CNTN6: variants seen among roughly 807,000 people sequenced by gnomAD.
CNTN6 encodes contactin-6.
A neutral mutation model predicts 122.8 loss-of-function variants in CNTN6; 137 were observed. That is an observed-to-expected ratio of 1.12 (90% CI 0.97 to 1.29). CNTN6 has a LOEUF of 1.29. Among genes scored for constraint, CNTN6 ranks in the 50% most tolerant of loss-of-function variants. The probability of loss-of-function intolerance (pLI) is 0.00; values close to 1 mark genes in which losing one functional copy is unlikely to be tolerated. For synonymous variants in CNTN6, 570 were observed against 426.0 expected (o/e 1.34, Z -4.16); for missense variants, 1,634 against 1,223.4 (o/e 1.34, Z -5.01).
At chr3:1,399,628 G>A (rs1254266036) in intron 20 of CNTN6, among the ~76,000 whole-genome samples, 2 of 152,032 alleles carry the variant, frequency 1.3e-5, no homozygotes, top group East Asian at 3.9e-4. Context: ...GCTGTATTGT[G>A]TCACCTATGG....
At chr3:1,380,220 T>C (rs1212044468) in intron 17 of CNTN6, among the ~76,000 whole-genome samples, 1 of 152,160 alleles carries the variant, frequency 6.6e-6, no homozygotes, top group Non-Finnish European at 1.5e-5. Context: ...CAATCTGCCA[T>C]TACGTTTCAT....
chr3:1,219,095 C>T (rs1224905602), intron 2 of CNTN6, among the ~76,000 whole-genome samples: 1 of 152,152 alleles, frequency 6.6e-6, no homozygotes, highest in Non-Finnish European at 1.5e-5. Flanking sequence ...ACAGATCATC[C>T]TCATAGAAAT....
intron 2 of CNTN6, among the ~76,000 whole-genome samples, chr3:1,186,094 T>C (rs2093624672): frequency 6.6e-6 from 1 of 152,144 alleles, no homozygotes; most frequent in Non-Finnish European, 1.5e-5. Flanking sequence ...TATATTCACA[T>C]ATAAGTAGCA....
intron 20 of CNTN6, among the ~76,000 whole-genome samples, chr3:1,398,145 A>T (rs987578746): frequency 2.0e-5 from 3 of 152,160 alleles, no homozygotes; most frequent in African/African-American, 7.2e-5. Context: ...GTTTTGTGCT[A>T]TCCATGTGGC....
chr3:1,325,789 C>A (rs1028724635), intron 8 of CNTN6, 26 bp from the exon 9 acceptor site: 3 of 1,606,162 alleles, frequency 1.9e-6, no homozygotes, highest in Admixed American at 1.7e-5. Flanking sequence ...TTTTACCAAA[C>A]AGTGGCACTT....
intron 20 of CNTN6, among the ~76,000 whole-genome samples, chr3:1,389,007 G>C (rs1693654489): frequency 6.9e-6 from 1 of 145,560 alleles, no homozygotes; most frequent in Non-Finnish European, 1.5e-5. Flanking sequence ...TTATCCAGGA[G>C]AACTTCCCCA....
intron 12 of CNTN6, among the ~76,000 whole-genome samples, chr3:1,355,517 A>C (rs552935415): frequency 2.6e-5 from 4 of 151,908 alleles, no homozygotes; most frequent in African/African-American, 9.6e-5. Flanking sequence ...AATAGTGTAC[A>C]TCAATTCAAC....
At chr3:1,120,661 A>T (rs1485457155) in intron 1 of CNTN6, among the ~76,000 whole-genome samples, 1 of 151,848 alleles carries the variant, frequency 6.6e-6, no homozygotes, top group Non-Finnish European at 1.5e-5. Context: ...CTATATTTTT[A>T]TGGTTGGTCA....
intron 2 of CNTN6, among the ~76,000 whole-genome samples, chr3:1,174,215 AT>A (rs2093409726): frequency 6.6e-6 from 1 of 152,022 alleles, no homozygotes; most frequent in Non-Finnish European, 1.5e-5. Context: ...CAGAGGCTTT[AT>A]TTTTTCCCCT....
chr3:1,403,518 G>T lies in CNTN6; in HGVS notation c.*100G>T. On this transcript the variant is annotated 3_prime_UTR_variant, in exon 23 of 23. Coordinates refer to ENST00000446702, the MANE Select transcript of CNTN6 (RefSeq NM_001289080.2). ...CAAGATGCGTTCTTAATACAGACTT[G>T]TTTGCAAAGAAAAAAAAAAGTATAT... The T allele has an allele frequency of 1.8e-6, 1 of 557,380 alleles. No homozygotes were observed. The highest frequency in any genetic ancestry group is 3.3e-5 in the South Asian group (1 of 30,462). The allele number at this position is 557,380 out of a possible 1,614,324, so 34.5% of individuals were successfully genotyped here.
chr3:1,349,406 T>A (rs936275173), intron 11 of CNTN6, among the ~76,000 whole-genome samples: 3 of 151,886 alleles, frequency 2.0e-5, no homozygotes, highest in South Asian at 2.1e-4. Flanking sequence ...TGTTTTTTTT[T>A]AAATGCCAGA....
chr3:1,111,490 C>A (rs1461684254), intron 1 of CNTN6, among the ~76,000 whole-genome samples: 1 of 152,124 alleles, frequency 6.6e-6, no homozygotes, highest in Admixed American at 6.6e-5. Context: ...ATTGTAGAGT[C>A]AGAATTCAAA....
At chr3:1,310,923 C>G (rs1027505799) in intron 7 of CNTN6, among the ~76,000 whole-genome samples, 40 of 152,048 alleles carry the variant, frequency 2.6e-4, no homozygotes, top group African/African-American at 9.4e-4. Flanking sequence ...ATCGCTTGAA[C>G]CCGGGAGGCA....
At chr3:1,100,576 A>G (rs1198297891) in intron 1 of CNTN6, among the ~76,000 whole-genome samples, 2 of 152,174 alleles carry the variant, frequency 1.3e-5, no homozygotes, top group South Asian at 4.1e-4. Flanking sequence ...TATATATTTC[A>G]ATCTTGCGTC....
intron 4 of CNTN6, among the ~76,000 whole-genome samples, chr3:1,230,134 T>A (rs1392004553): frequency 6.6e-6 from 1 of 152,204 alleles, no homozygotes; most frequent in Non-Finnish European, 1.5e-5. Flanking sequence ...ACCTCCTTCA[T>A]AAATTTTTAA....
chr3:1,156,485 C>T (rs1427849443), intron 2 of CNTN6, among the ~76,000 whole-genome samples: 3 of 152,152 alleles, frequency 2.0e-5, no homozygotes, highest in East Asian at 1.9e-4. Flanking sequence ...ATATTTGACT[C>T]GTTATACCTC....
At chr3:1,297,856 A>G (rs376925400) in intron 6 of CNTN6, 33 bp from the exon 7 acceptor site, 180 of 1,533,010 alleles carry the variant, frequency 1.2e-4, no homozygotes, top group Non-Finnish European at 4.0e-5. Context: ...TCTATTCTCC[A>G]GAAATGCTGC....
chr3:1,151,659 CA>C, intron 2 of CNTN6, among the ~76,000 whole-genome samples: 1 of 152,174 alleles, frequency 6.6e-6, no homozygotes, highest in Non-Finnish European at 1.5e-5. Context: ...TGACCTTCAA[CA>C]ATAGGTCCAT....
At chr3:1,232,370 A>G (rs1329037852) in intron 4 of CNTN6, among the ~76,000 whole-genome samples, 1 of 152,226 alleles carries the variant, frequency 6.6e-6, no homozygotes, top group Non-Finnish European at 1.5e-5. Context: ...CAAGTACTAC[A>G]CTAGGTCCTA....
Sources: gnomAD v4.1 joint callset for allele counts (sites outside exome capture counted in the v4.1 genomes callset) on GRCh38, gnomAD v4.1.1 for gene constraint, MANE v1.5 for transcripts, NCBI Gene and HGNC (gene_info 2026-07-23, HGNC 2026-07-21) for gene names.